POLH: variants seen among roughly 807,000 people sequenced by gnomAD.
POLH encodes the protein DNA polymerase eta transcript.
POLH carries 53 observed loss-of-function variants against 73.6 expected under a neutral mutation model. That is an observed-to-expected ratio of 0.72 (90% CI 0.58 to 0.91). POLH has a LOEUF of 0.91. Ranked by LOEUF, POLH falls within the 40% of genes least tolerant of loss-of-function variation. The pLI is 0.00. For synonymous variants in POLH, 292 were observed against 308.5 expected (o/e 0.95, Z 0.56); for missense variants, 768 against 865.4 (o/e 0.89, Z 1.41).
At chr6:43,598,948 A>ACATTAAT (rs1766418473) in intron 5 of POLH, among the ~76,000 whole-genome samples, 1 of 149,110 alleles carries the variant, frequency 6.7e-6, no homozygotes, top group African/African-American at 2.5e-5. Flanking sequence ...GCACTTACAT[A>ACATTAAT]CATTAATGTA....
rs1360464485 is a variant in POLH at position 43,583,059 on chromosome 6, T to C, written c.190T>C (p.Trp64Arg). 6.2e-7 allele frequency: 1 copy of C among 1,613,514 alleles called. No homozygotes were observed. Among genetic ancestry groups the C allele is most frequent in the Non-Finnish European group, 8.5e-7 (1 of 1,179,524 alleles). ...TGCATTTGGAGTCACTAGAAGTATG[T>C]GGGCAGATGATGCTAAGAAGTTATG... ...ARAFGVTRSMWADDAKKLCPD... is the reference protein window; with the variant it reads ...ARAFGVTRSMRADDAKKLCPD... The change falls in exon 3 of 11, where the codon TGG (tryptophan) becomes CGG (arginine). Residue 64 changes from tryptophan (W) to arginine (R), a missense_variant. Transcript: ENST00000372236.
At chr6:43,607,130 C>CT (rs1767392566) in intron 9 of POLH, among the ~76,000 whole-genome samples, 1 of 152,236 alleles carries the variant, frequency 6.6e-6, no homozygotes, top group African/African-American at 2.4e-5. Context: ...GAGTCTCGCT[C>CT]TGTCACCAGG....
intron 1 of POLH, among the ~76,000 whole-genome samples, chr6:43,579,169 C>T (rs1167792003): frequency 6.6e-6 from 1 of 152,176 alleles, no homozygotes; most frequent in Admixed American, 6.6e-5. Context: ...CTCTCTCTGG[C>T]CTTCTGCCCT....
intron 9 of POLH, among the ~76,000 whole-genome samples, chr6:43,607,130 C>G (rs1321323214): frequency 6.6e-6 from 1 of 152,236 alleles, no homozygotes; most frequent in African/African-American, 2.4e-5. Flanking sequence ...GAGTCTCGCT[C>G]TGTCACCAGG....
In POLH at chr6:43,582,363, A is replaced by G; in HGVS notation, c.44A>G (p.Asp15Gly). The G allele has an allele frequency of 6.2e-7, 1 of 1,614,066 alleles. No homozygotes were observed. Among genetic ancestry groups the G allele is most frequent in the South Asian group, 1.1e-5 (1 of 91,082 alleles). ...CGAGTGGTTGCTCTCGTGGACATGGACTGTTTTTTTGTTCAAGTGGAGCAG... is the reference window on the plus strand; with the variant it reads ...CGAGTGGTTGCTCTCGTGGACATGGGCTGTTTTTTTGTTCAAGTGGAGCAG... ...QDRVVALVDM[D>G]CFFVQVEQRQ... The change falls in exon 2 of 11, where the codon GAC (aspartate) becomes GGC (glycine). Residue 15 changes from aspartate (D) to glycine (G), a missense_variant. Physicochemically the swap from Asp to Gly is moderately conservative, Grantham distance 94. Coordinates refer to ENST00000372236, the MANE Select transcript of POLH (RefSeq NM_006502.3).
In POLH at chr6:43,597,737, CTT is replaced by C. The variant is rs747806616; in HGVS notation, c.533_534del (p.Leu178ProfsTer3). The part of the protein sequence containing the change: ...KQGLFQWLDS[L>X]QIDNLTSPDL... Reference sequence around the variant, plus strand: ...AGGCTTATTTCAATGGCTCGATTCTCTTCAGATTGATAACCTCACCTCTCCAG... The same window carrying C: ...AGGCTTATTTCAATGGCTCGATTCTCCAGATTGATAACCTCACCTCTCCAG... On this transcript the variant is annotated frameshift_variant, in exon 5 of 11. Transcript: ENST00000372236. LOFTEE classifies it high-confidence loss of function. 1.2e-6 allele frequency: 2 copies of C among 1,614,038 alleles called. No homozygotes were observed. Among genetic ancestry groups the C allele is most frequent in the Admixed American group, 1.7e-5 (1 of 60,002 alleles).
chr6:43,619,720 A>G lies in POLH; in HGVS notation c.*5163A>G, dbSNP rs944868524. Among the ~76,000 whole-genome samples the G allele has an allele frequency of 2.0e-5, 3 of 152,246 alleles. No homozygotes were observed. Among genetic ancestry groups the G allele is most frequent in the African/African-American group, 4.8e-5 (2 of 41,466 alleles). The stretch of plus-strand genomic sequence containing the variant: ...TACAATACAGGCAAAAGATAAGTAA[A>G]TTGTGGACAAAGCTTTCATCTCTAT... On this transcript the variant is annotated 3_prime_UTR_variant, in exon 11 of 11. Transcript: ENST00000372236.
chr6:43,602,701 T>A (rs1228440693), intron 6 of POLH, among the ~76,000 whole-genome samples: 2 of 152,042 alleles, frequency 1.3e-5, no homozygotes, highest in Non-Finnish European at 2.9e-5. Context: ...CAAGTCTTGC[T>A]CTGTTGCCCA....
In POLH at chr6:43,618,082, G is replaced by A. The variant is rs1361422644; in HGVS notation, c.*3525G>A. On this transcript the variant is annotated 3_prime_UTR_variant, in exon 11 of 11. Transcript: ENST00000372236. ...TACTGGCTTGTTCATCTTTCCCACT[G>A]AGTGTAAATATTTAGCTTAGGGTTT... 6.6e-6 allele frequency among the ~76,000 whole-genome samples: 1 copy of A among 152,148 alleles called. No homozygotes were observed. Among genetic ancestry groups the A allele is most frequent in the East Asian group, 1.9e-4 (1 of 5,200 alleles).
At position 43,614,071 on chromosome 6, in the gene POLH, C is replaced by T. The variant is rs148589983; in HGVS notation, c.1656C>T (p.Pro552=). ...KQLNNSSVSS[P]QQNPWSNCKA... ...TTAATAATTCTTCAGTTTCTTCCCC[C>T]CAACAAAACCCATGGTCCAACTGTA... is the stretch of plus-strand genomic sequence containing the variant. Residue 552 remains proline (P), a synonymous_variant, in exon 11 of 11, where the codon CCC becomes CCT. Coordinates refer to ENST00000372236, the MANE Select transcript of POLH (RefSeq NM_006502.3). The T allele has an allele frequency of 3.1e-6, 5 of 1,614,088 alleles. No homozygotes were observed. The South Asian group carries it at 4.4e-5, about 14-fold the overall frequency.
chr6:43,584,167 T>G (rs145703870), intron 3 of POLH, among the ~76,000 whole-genome samples: 1 of 152,306 alleles, frequency 6.6e-6, no homozygotes, highest in Non-Finnish European at 1.5e-5. Flanking sequence ...TTCAGACAGC[T>G]AAGTGAAAGA....
At chr6:43,589,089 C>T (rs1037902726) in intron 4 of POLH, among the ~76,000 whole-genome samples, 9 of 151,334 alleles carry the variant, frequency 5.9e-5, no homozygotes, top group Non-Finnish European at 1.0e-4. Context: ...CCGCCCGCCT[C>T]GGCCTCCCAA....
chr6:43,584,758 A>G (rs1324105390), intron 3 of POLH, among the ~76,000 whole-genome samples: 3 of 151,926 alleles, frequency 2.0e-5, no homozygotes, highest in African/African-American at 4.8e-5. Context: ...GGTTCCTGCA[A>G]CCCCCTCTTT....
intron 3 of POLH, among the ~76,000 whole-genome samples, chr6:43,583,844 A>G (rs1444412920): frequency 6.6e-6 from 1 of 152,196 alleles, no homozygotes; most frequent in Non-Finnish European, 1.5e-5. Flanking sequence ...AATTTAAGTT[A>G]GGCTGGGGAT....
chr6:43,611,189 C>A (rs1043864435), intron 10 of POLH, among the ~76,000 whole-genome samples: 12 of 152,248 alleles, frequency 7.9e-5, no homozygotes, highest in Non-Finnish European at 1.0e-4. Context: ...CCTTTGCCGA[C>A]AGCTGATACA....
At chr6:43,610,168 TCTC>T (rs1267854977) in intron 9 of POLH, among the ~76,000 whole-genome samples, 2 of 150,846 alleles carry the variant, frequency 1.3e-5, no homozygotes, top group Non-Finnish European at 2.9e-5. Context: ...TTCAAGCAAT[TCTC>T]CTGTCTCAGC....
intron 9 of POLH, among the ~76,000 whole-genome samples, chr6:43,608,421 T>A (rs185047849): frequency 5.1e-4 from 78 of 152,354 alleles, no homozygotes; most frequent in African/African-American, 1.8e-3. Flanking sequence ...GTAGGCATCA[T>A]AAAGAGGGAT....
intron 9 of POLH, among the ~76,000 whole-genome samples, chr6:43,608,437 C>G (rs374353997): frequency 6.6e-6 from 1 of 152,198 alleles, no homozygotes; most frequent in Non-Finnish European, 1.5e-5. Flanking sequence ...GGGATTTGAT[C>G]CAGTTGCGTT....
rs1768327815 is a variant in POLH at position 43,616,203 on chromosome 6, CCGGGAGGCGGAG to C, written c.*1648_*1659del. On this transcript the variant is annotated 3_prime_UTR_variant, in exon 11 of 11. Transcript: ENST00000372236. Reference sequence around the variant, plus strand: ...GCTGAGGCAGGAGAATGGTGTGAACCCGGGAGGCGGAGCTTGCAGTGAGCCGAGAGCGCGCCA... The same window carrying C: ...GCTGAGGCAGGAGAATGGTGTGAACCCTTGCAGTGAGCCGAGAGCGCGCCA... 6.7e-6 allele frequency among the ~76,000 whole-genome samples: 1 copy of C among 150,244 alleles called. No homozygotes were observed. The highest frequency in any genetic ancestry group is 1.5e-5 in the Non-Finnish European group (1 of 67,586).
Sources: allele counts gnomAD v4.1 joint callset (sites outside exome capture counted in the v4.1 genomes callset), GRCh38; gene constraint gnomAD v4.1.1; transcripts MANE v1.5; gene names NCBI Gene and HGNC (gene_info 2026-07-23, HGNC 2026-07-21).